USP47: variants seen among roughly 807,000 people sequenced by gnomAD.
USP47 encodes the protein ubiquitin specific peptidase 47, also known as ubiquitin carboxyl-terminal hydrolase 47.
A neutral mutation model predicts 165.1 loss-of-function variants in USP47; 35 were observed. The observed-to-expected ratio is 0.21, with a 90% CI of 0.16 to 0.28. The LOEUF (loss-of-function observed/expected upper bound fraction) is 0.28. Among genes scored for constraint, USP47 ranks in the 10% least tolerant of loss-of-function variants. The pLI, the probability that USP47 is intolerant of heterozygous loss-of-function variation, is 1.00. For synonymous variants in USP47, 531 were observed against 544.5 expected (o/e 0.98, Z 0.35); for missense variants, 1,277 against 1,607.4 (o/e 0.79, Z 3.52).
Position 11,942,790 on chromosome 11 carries a change from A to G in USP47, c.2769A>G (p.Arg923=). 1 of 1,613,662 alleles carries G rather than the reference A, an allele frequency of 6.2e-7. No homozygotes were observed. Among genetic ancestry groups the G allele is most frequent in the African/African-American group, 1.3e-5 (1 of 75,022 alleles). Residue 923 remains arginine, a synonymous_variant, in exon 20 of 28, where the codon CGA becomes CGG. Transcript: ENST00000527733. ...SDPENFQSEE[R]SDSDVNNDRS... is the part of the protein sequence containing the mutation. ...CAGAAAATTTTCAGTCTGAAGAACG[A>G]TCAGACTCAGATGTGAATAATGACA...
chr11:11,944,395 G>A (rs1467444258), intron 20 of USP47, among the ~76,000 whole-genome samples: 1 of 152,022 alleles, frequency 6.6e-6, no homozygotes, highest in African/African-American at 2.4e-5. Context: ...AAATAACACT[G>A]GAATCATACA....
At chr11:11,848,896 A>G (rs1292109621) in intron 1 of USP47, among the ~76,000 whole-genome samples, 1 of 152,146 alleles carries the variant, frequency 6.6e-6, no homozygotes, top group Non-Finnish European at 1.5e-5. Context: ...GGCGTGAGCC[A>G]CCATGCCCAG....
intron 1 of USP47, among the ~76,000 whole-genome samples, chr11:11,844,682 T>A (rs925847693): frequency 6.6e-5 from 10 of 152,126 alleles, no homozygotes; most frequent in African/African-American, 2.4e-4. Flanking sequence ...ATTAAAAAAT[T>A]TCATGCATTT....
At chr11:11,898,906 C>G (rs1386655908) in intron 5 of USP47, among the ~76,000 whole-genome samples, 1 of 152,150 alleles carries the variant, frequency 6.6e-6, no homozygotes, top group African/African-American at 2.4e-5. Context: ...GTGTTCCGAG[C>G]ACTTTATATA....
chr11:11,881,417 T>G (rs1564862348), intron 2 of USP47, among the ~76,000 whole-genome samples: 2 of 152,144 alleles, frequency 1.3e-5, no homozygotes, highest in Non-Finnish European at 2.9e-5. Context: ...CTGATCAGAA[T>G]GCCTTTTCCT....
In USP47 at chr11:11,944,830, G is replaced by T. The variant is rs533478640; in HGVS notation, c.3091+1718G>T. Among the ~76,000 whole-genome samples, 3 of 152,300 alleles carry T rather than the reference G, an allele frequency of 2.0e-5. No individual in the cohort carries two copies. The South Asian group carries it at 6.2e-4, about 32-fold the overall frequency. ...TAAAAGTAGTTCCTCTTTAGTAGAAGGTTGGAAATTTCTTTTAATTGGTTT... is the reference window on the plus strand; with the variant it reads ...TAAAAGTAGTTCCTCTTTAGTAGAATGTTGGAAATTTCTTTTAATTGGTTT... On this transcript the variant is annotated intron_variant, in intron 20 of 27. Coordinates refer to ENST00000527733, the MANE Select transcript of USP47 (RefSeq NM_001282659.2).
chr11:11,880,725 A>G (rs1433845602), intron 2 of USP47, among the ~76,000 whole-genome samples: 1 of 152,202 alleles, frequency 6.6e-6, no homozygotes, highest in African/African-American at 2.4e-5. Flanking sequence ...TTGTAAAATC[A>G]TATTTTATGA....
chr11:11,939,134 T>TG (rs920746209), intron 18 of USP47, among the ~76,000 whole-genome samples: 2 of 152,040 alleles, frequency 1.3e-5, no homozygotes, highest in East Asian at 1.9e-4. Flanking sequence ...ATTCAAATTT[T>TG]GGGGGGCAAA....
Position 11,938,266 on chromosome 11 carries a change from T to G in USP47, c.2087T>G (p.Val696Gly). The G allele has an allele frequency of 6.2e-7, 1 of 1,611,920 alleles. No homozygotes were observed. Among genetic ancestry groups the G allele is most frequent in the Non-Finnish European group, 8.5e-7 (1 of 1,178,620 alleles). Residue 696 changes from valine to glycine, a missense_variant, in exon 18 of 28, where the codon GTG (valine) becomes GGG (glycine). Val to Gly is a moderately radical substitution (Grantham distance 109, BLOSUM62 -3). Around this residue, in one of 4 missense-constraint regions of USP47, gnomAD observed 909 missense variants for 1,068.1 expected, o/e 0.85. Coordinates refer to ENST00000527733, the MANE Select transcript of USP47 (RefSeq NM_001282659.2). ...TCTTCAAATGTGACAGAAGTGATGG[T>G]GAAAGTTCATGTTGTTGATCTAAAG... The part of the protein sequence containing the change: ...FQSYKPGEVM[V>G]KVHVVDLKAE...
chr11:11,900,367 A>G (rs753273015), intron 5 of USP47, among the ~76,000 whole-genome samples: 12 of 151,834 alleles, frequency 7.9e-5, no homozygotes, highest in East Asian at 7.8e-4. Flanking sequence ...TCACCGTGTT[A>G]GCCAGGATGG....
intron 1 of USP47, among the ~76,000 whole-genome samples, chr11:11,879,924 A>G (rs994385268): frequency 1.3e-5 from 2 of 152,112 alleles, no homozygotes; most frequent in Non-Finnish European, 2.9e-5. Context: ...GGTGAAAGCA[A>G]ATATCTCCAA....
At chr11:11,896,825 A>T (rs1043157138) in intron 4 of USP47, among the ~76,000 whole-genome samples, 1 of 152,152 alleles carries the variant, frequency 6.6e-6, no homozygotes, top group Admixed American at 6.5e-5. Context: ...GTAGATTAAG[A>T]TATAAACCAC....
chr11:11,921,440 T>C (rs1307210395), intron 10 of USP47, among the ~76,000 whole-genome samples: 1 of 151,922 alleles, frequency 6.6e-6, no homozygotes, highest in Non-Finnish European at 1.5e-5. Flanking sequence ...TGCTACTTGC[T>C]AGCCTCTTGA....
chr11:11,920,412 C>T lies in USP47; in HGVS notation c.1136C>T (p.Thr379Ile). The change falls in exon 10 of 28, where the codon ACC (threonine) becomes ATC (isoleucine). Residue 379 changes from threonine (T) to isoleucine (I), a missense_variant. Physicochemically the swap from Thr to Ile is moderately conservative, Grantham distance 89. Transcript: ENST00000527733. The stretch of plus-strand genomic sequence containing the variant: ...AAAAGATTCGATTTTGATTATACAA[C>T]CATGCATAGGATTAAACTGAATGAT... Reference protein sequence around the residue: ...QLKRFDFDYTTMHRIKLNDRM... With the variant: ...QLKRFDFDYTIMHRIKLNDRM... 1 of 1,611,456 alleles carries T rather than the reference C, an allele frequency of 6.2e-7. No individual in the cohort carries two copies. Among genetic ancestry groups the T allele is most frequent in the Non-Finnish European group, 8.5e-7 (1 of 1,178,374 alleles).
At chr11:11,909,890 G>A (rs1852837299) in intron 8 of USP47, among the ~76,000 whole-genome samples, 1 of 152,164 alleles carries the variant, frequency 6.6e-6, no homozygotes, top group Admixed American at 6.5e-5. Flanking sequence ...ATTTACACAA[G>A]TTTATATTAT....
intron 5 of USP47, 89 bp from the exon 6 acceptor site, chr11:11,902,626 A>G: frequency 3.0e-6 from 3 of 1,007,088 alleles, no homozygotes; most frequent in Non-Finnish European, 4.0e-6. Flanking sequence ...CAGGATTAAA[A>G]TCTTACATTA....
Position 11,916,323 on chromosome 11 carries a change from A to G in USP47, c.970-3833A>G, listed in dbSNP as rs138386632. 5.7e-4 allele frequency among the ~76,000 whole-genome samples: 87 copies of G among 152,282 alleles called. No individual in the cohort carries two copies. The East Asian group carries it at 0.012, about 21-fold the overall frequency. ...AGATGTGCAGAATTACATTTTGCATAATATATGGGGAGCAGTAAGATCTAG... is the reference window on the plus strand; with the variant it reads ...AGATGTGCAGAATTACATTTTGCATGATATATGGGGAGCAGTAAGATCTAG... On this transcript the variant is annotated intron_variant, in intron 8 of 27. Coordinates refer to ENST00000527733, the MANE Select transcript of USP47 (RefSeq NM_001282659.2).
At chr11:11,926,486 T>C (rs1024792428) in intron 11 of USP47, among the ~76,000 whole-genome samples, 4 of 152,156 alleles carry the variant, frequency 2.6e-5, no homozygotes, top group African/African-American at 9.6e-5. Context: ...TTCAGTCTCT[T>C]ATGATCCTTT....
intron 8 of USP47, among the ~76,000 whole-genome samples, chr11:11,919,359 AGAG>A (rs1334554656): frequency 6.6e-6 from 1 of 151,958 alleles, no homozygotes; most frequent in Non-Finnish European, 1.5e-5. Context: ...TGTGAAGAAA[AGAG>A]AGAACATCAG....
Sources: gnomAD v4.1 joint callset for allele counts (sites outside exome capture counted in the v4.1 genomes callset) on GRCh38, gnomAD v4.1.1 for gene constraint, gnomAD v4.1.1 regional missense constraint, MANE v1.5 for transcripts, NCBI Gene and HGNC (gene_info 2026-07-23, HGNC 2026-07-21) for gene names.